Variants in RCL1 observed in about 807,000 individuals in gnomAD.
The protein encoded by RCL1 is RNA 3'-terminal phosphate cyclase-like protein.
In RCL1, 24 loss-of-function variants were observed where a neutral mutation model predicts 42.4. That is an observed-to-expected ratio of 0.57 (90% CI 0.41 to 0.80). The LOEUF (loss-of-function observed/expected upper bound fraction) is 0.80, where lower values mean the gene tolerates loss of function less well. RCL1 is among the 30% of genes least tolerant of loss of function. The pLI is 0.00. For synonymous variants in RCL1, 228 were observed against 177.3 expected, an observed-to-expected ratio of 1.29 and a Z score of -2.27; for missense variants, 578 against 467.9, an observed-to-expected ratio of 1.24 and a Z score of -2.17.
intron 2 of RCL1, among the ~76,000 whole-genome samples, chr9:4,824,467 T>C (rs1417390963): frequency 2.0e-5 from 3 of 151,684 alleles, no homozygotes; most frequent in Non-Finnish European, 4.4e-5. Flanking sequence ...CTGTGGGTTG[T>C]AGTATAGTAT....
At chr9:4,852,106 C>T (rs143878945) in intron 8 of RCL1, among the ~76,000 whole-genome samples, 1 of 152,174 alleles carries the variant, frequency 6.6e-6, no homozygotes, top group African/African-American at 2.4e-5. Context: ...TGGTCTCGAT[C>T]TCCTGACCTC....
At chr9:4,855,059 A>AC (rs1397770484) in intron 8 of RCL1, among the ~76,000 whole-genome samples, 1 of 140,178 alleles carries the variant, frequency 7.1e-6, no homozygotes, top group African/African-American at 3.1e-5. Flanking sequence ...TCTCAAAAAA[A>AC]AAAAAAAAAA....
At chr9:4,817,715 T>C (rs1816434126) in intron 1 of RCL1, among the ~76,000 whole-genome samples, 1 of 152,104 alleles carries the variant, frequency 6.6e-6, no homozygotes, top group African/African-American at 2.4e-5. Context: ...CATGCTGGTC[T>C]TGAACACCTG....
intron 1 of RCL1, among the ~76,000 whole-genome samples, chr9:4,795,834 G>T (rs997038236): frequency 1.3e-5 from 2 of 152,172 alleles, no homozygotes; most frequent in Non-Finnish European, 2.9e-5. Flanking sequence ...GCTTTGTATG[G>T]GGGTGAGTGT....
chr9:4,848,043 C>A (rs1444332651), intron 7 of RCL1, among the ~76,000 whole-genome samples: 1 of 152,190 alleles, frequency 6.6e-6, no homozygotes, highest in Non-Finnish European at 1.5e-5. Context: ...CTATCTATTA[C>A]ATTAAAATAC....
intron 5 of RCL1, among the ~76,000 whole-genome samples, chr9:4,835,645 T>A (rs549243767): frequency 6.6e-6 from 1 of 152,342 alleles, no homozygotes; most frequent in East Asian, 1.9e-4. Flanking sequence ...AGGTTGTTAA[T>A]GTAGATGAAG....
At chr9:4,811,258 G>C (rs1166490969) in intron 1 of RCL1, among the ~76,000 whole-genome samples, 1 of 142,896 alleles carries the variant, frequency 7.0e-6, no homozygotes, top group Non-Finnish European at 1.5e-5. Context: ...CTGGGCAATA[G>C]AGCAAAACCC....
At chr9:4,831,528 G>GTGCAA (rs1006271305) in intron 3 of RCL1, among the ~76,000 whole-genome samples, 78 of 152,264 alleles carry the variant, frequency 5.1e-4, no homozygotes, top group African/African-American at 1.9e-3. Context: ...CCAGGCTGGA[G>GTGCAA]TGCAGTGGCA....
chr9:4,833,099 C>G (rs749447259), intron 3 of RCL1, 55 bp from the exon 4 acceptor site: 8 of 1,249,490 alleles, frequency 6.4e-6, no homozygotes, highest in Non-Finnish European at 9.4e-6. Flanking sequence ...TTTTTTGACT[C>G]TTGTATTCTG....
At chr9:4,827,843 G>C (rs1587713842) in intron 3 of RCL1, among the ~76,000 whole-genome samples, 1 of 151,922 alleles carries the variant, frequency 6.6e-6, no homozygotes, top group African/African-American at 2.4e-5. Flanking sequence ...CTTGTAGGAA[G>C]GGGTGGATTC....
chr9:4,822,246 G>C (rs989306437), intron 1 of RCL1, among the ~76,000 whole-genome samples: 1 of 152,164 alleles, frequency 6.6e-6, no homozygotes, highest in South Asian at 2.1e-4. Context: ...GGTGACTACT[G>C]GACTGTGTCC....
At chr9:4,856,513 C>T (rs747146194) in intron 8 of RCL1, among the ~76,000 whole-genome samples, 4 of 151,948 alleles carry the variant, frequency 2.6e-5, no homozygotes, top group South Asian at 2.1e-4. Flanking sequence ...GTTTGAATAA[C>T]GGGTTCAGTG....
intron 7 of RCL1, among the ~76,000 whole-genome samples, chr9:4,848,440 G>A (rs1817593360): frequency 6.6e-6 from 1 of 152,150 alleles, no homozygotes; most frequent in East Asian, 1.9e-4. Flanking sequence ...TACCCTACAT[G>A]CCTTAAAAAG....
chr9:4,827,765 T>C (rs1034341512), intron 3 of RCL1, among the ~76,000 whole-genome samples: 10 of 141,700 alleles, frequency 7.1e-5, no homozygotes, highest in African/African-American at 2.0e-4. Context: ...TGCACGCGTG[T>C]GTGTGTGTGT....
At chr9:4,798,072 G>A (rs1587689370) in intron 1 of RCL1, among the ~76,000 whole-genome samples, 1 of 152,320 alleles carries the variant, frequency 6.6e-6, no homozygotes, top group Non-Finnish European at 1.5e-5. Flanking sequence ...AGGTAAGATA[G>A]TTGGTGAAGA....
At chr9:4,859,369 C>G (rs533322399) in intron 8 of RCL1, among the ~76,000 whole-genome samples, 89 of 152,282 alleles carry the variant, frequency 5.8e-4, no homozygotes, top group African/African-American at 1.9e-3. Flanking sequence ...TTACATAGCA[C>G]TTTTCAGGAA....
chr9:4,807,721 G>A (rs1816028310), intron 1 of RCL1, among the ~76,000 whole-genome samples: 1 of 152,094 alleles, frequency 6.6e-6, no homozygotes, highest in African/African-American at 2.4e-5. Context: ...GTTTCTCCGT[G>A]TTGGTCAGGT....
chr9:4,849,591 A>G, intron 8 of RCL1, 41 bp downstream of exon 8: 1 of 1,459,982 alleles, frequency 6.8e-7, no homozygotes, highest in Non-Finnish European at 9.6e-7. Context: ...TGTCCAGTGT[A>G]ATTTTCTCAT....
intron 5 of RCL1, chr9:4,839,532 G>A: frequency 3.3e-6 from 1 of 299,746 alleles, no homozygotes; most frequent in Non-Finnish European, 4.9e-6. Context: ...GGCAGCCTCA[G>A]ACCTCAGAAG....
Sources: allele counts gnomAD v4.1 joint callset (sites outside exome capture counted in the v4.1 genomes callset), GRCh38; gene constraint gnomAD v4.1.1; transcripts MANE v1.5; gene names NCBI Gene and HGNC (gene_info 2026-07-23, HGNC 2026-07-21).